The following TSPAN18 variants were observed in gnomAD, a reference collection of about 807,000 sequenced individuals.
TSPAN18 encodes the protein tetraspanin-18.
TSPAN18 carries 14 observed loss-of-function variants against 27.3 expected under a neutral mutation model. The observed-to-expected ratio is 0.51, with a 90% confidence interval of 0.34 to 0.80. The LOEUF (loss-of-function observed/expected upper bound fraction) is 0.80. Among genes scored for constraint, TSPAN18 ranks in the 30% least tolerant of loss-of-function variants. TSPAN18 has a pLI of 0.01. For missense variants in TSPAN18, 268 were observed against 323.9 expected, an observed-to-expected ratio of 0.83 and a Z score of 1.32; for synonymous variants, 143 against 136.5, an observed-to-expected ratio of 1.05 and a Z score of -0.33.
intron 2 of TSPAN18, among the ~76,000 whole-genome samples, chr11:44,810,772 A>AT (rs1856696532): frequency 6.6e-6 from 1 of 150,620 alleles, no homozygotes; most frequent in African/African-American, 2.5e-5. Flanking sequence ...CACCCAGCTA[A>AT]TTTTTTGTTA....
chr11:44,821,030 C>T (rs953552134), intron 2 of TSPAN18, among the ~76,000 whole-genome samples: 1 of 152,154 alleles, frequency 6.6e-6, no homozygotes, highest in Non-Finnish European at 1.5e-5. Context: ...AGGTATTCCT[C>T]CAGAGCAATA....
At chr11:44,795,618 C>T (rs1224820931) in intron 2 of TSPAN18, among the ~76,000 whole-genome samples, 2 of 151,962 alleles carry the variant, frequency 1.3e-5, no homozygotes, top group African/African-American at 4.8e-5. Context: ...TGAGTTCACA[C>T]CCTCTCACTG....
chr11:44,730,101 G>A (rs939649513), intron 1 of TSPAN18, among the ~76,000 whole-genome samples: 6 of 152,140 alleles, frequency 3.9e-5, no homozygotes, highest in Admixed American at 3.3e-4. Flanking sequence ...GTGCCTCTCC[G>A]GGCTGGCTTG....
intron 5 of TSPAN18, among the ~76,000 whole-genome samples, chr11:44,915,982 G>T (rs1192788306): frequency 1.3e-5 from 2 of 152,312 alleles, no homozygotes; most frequent in East Asian, 3.9e-4. Context: ...GACTTGATGT[G>T]GTGGCTGGGG....
At chr11:44,783,401 T>TTC (rs896842594) in intron 2 of TSPAN18, among the ~76,000 whole-genome samples, 1 of 145,720 alleles carries the variant, frequency 6.9e-6, no homozygotes, top group African/African-American at 2.5e-5. Context: ...TTTCTTTTCT[T>TTC]TTTTTTTTTT....
chr11:44,790,211 GCATGTTTGTGTATGTC>G (rs1856165419), intron 2 of TSPAN18, among the ~76,000 whole-genome samples: 1 of 151,656 alleles, frequency 6.6e-6, no homozygotes, highest in Non-Finnish European at 1.5e-5. Flanking sequence ...GTCTGTGTGT[GCATGTTTGTGTATGTC>G]CATGTGTTTG....
chr11:44,818,226 C>T (rs1382312215), intron 2 of TSPAN18, among the ~76,000 whole-genome samples: 2 of 152,200 alleles, frequency 1.3e-5, no homozygotes, highest in Admixed American at 6.5e-5. Flanking sequence ...GCAGAACTGA[C>T]GGTGAATGGC....
In TSPAN18 at chr11:44,931,131, C is replaced by T; in HGVS notation, c.*1953C>T. ...TCTGAGCTCAGTGTTACCAAATTCG[C>T]CCTTTAACAGCTTGCTCTGGCAACC... On this transcript the variant is annotated 3_prime_UTR_variant, in exon 10 of 10. Coordinates refer to ENST00000520358, the MANE Select transcript of TSPAN18 (RefSeq NM_130783.5). 1 of 356,942 alleles carries T rather than the reference C, an allele frequency of 2.8e-6. No individual in the cohort carries two copies. Among genetic ancestry groups the T allele is most frequent in the South Asian group, 2.1e-5 (1 of 48,418 alleles). The allele number at this position is 356,942 out of a possible 1,614,324, so 22.1% of individuals were successfully genotyped here.
At chr11:44,890,712 C>T (rs1363527052) in intron 3 of TSPAN18, among the ~76,000 whole-genome samples, 1 of 137,328 alleles carries the variant, frequency 7.3e-6, no homozygotes, top group Non-Finnish European at 1.5e-5. Context: ...CACTGCACTC[C>T]AGCCTTGGCA....
chr11:44,774,997 C>T (rs1855771829), intron 2 of TSPAN18, among the ~76,000 whole-genome samples: 1 of 152,130 alleles, frequency 6.6e-6, no homozygotes, highest in Non-Finnish European at 1.5e-5. Context: ...TTTTTTTCCC[C>T]ATCTCTCCTG....
At chr11:44,806,978 AC>A (rs1335257412) in intron 2 of TSPAN18, among the ~76,000 whole-genome samples, 1 of 152,062 alleles carries the variant, frequency 6.6e-6, no homozygotes, top group Non-Finnish European at 1.5e-5. Context: ...AGCACATAAA[AC>A]CCATGGTTTC....
intron 3 of TSPAN18, among the ~76,000 whole-genome samples, chr11:44,890,235 GT>G (rs1475419562): frequency 6.6e-6 from 1 of 152,174 alleles, no homozygotes; most frequent in Non-Finnish European, 1.5e-5. Flanking sequence ...TCATTCTGGG[GT>G]CCATGTATTC....
chr11:44,754,594 G>A lies in TSPAN18; in HGVS notation c.-239-9832G>A, dbSNP rs533505670. Among the ~76,000 whole-genome samples the A allele has an allele frequency of 1.1e-4, 17 of 152,322 alleles. No individual in the cohort carries two copies. In the East Asian group the frequency reaches 3.3e-3, roughly 29 times the overall value. Reference sequence around the variant, plus strand: ...TTGCTCAAACAGCCCAATGACCCAAGATGTAAGATCTCAGATGTATCCTTG... The same window carrying A: ...TTGCTCAAACAGCCCAATGACCCAAAATGTAAGATCTCAGATGTATCCTTG... On this transcript the variant is annotated intron_variant, in intron 1 of 9. Transcript: ENST00000520358.
chr11:44,924,339 C>T (rs1418922467), intron 8 of TSPAN18, among the ~76,000 whole-genome samples: 3 of 152,164 alleles, frequency 2.0e-5, no homozygotes, highest in Non-Finnish European at 2.9e-5. Flanking sequence ...AGGTAATCTA[C>T]ATGGCCCCAT....
intron 2 of TSPAN18, among the ~76,000 whole-genome samples, chr11:44,834,493 T>C (rs997559774): frequency 6.6e-6 from 1 of 152,206 alleles, no homozygotes; most frequent in Non-Finnish European, 1.5e-5. Flanking sequence ...TTTTCCACTT[T>C]GATGAAACCC....
At chr11:44,801,607 G>A (rs1856481348) in intron 2 of TSPAN18, among the ~76,000 whole-genome samples, 1 of 152,220 alleles carries the variant, frequency 6.6e-6, no homozygotes, top group Admixed American at 6.5e-5. Flanking sequence ...GTGCCTCAGG[G>A]TGGTGGTTAA....
At chr11:44,894,261 A>T (rs986313757) in intron 3 of TSPAN18, among the ~76,000 whole-genome samples, 12 of 152,208 alleles carry the variant, frequency 7.9e-5, no homozygotes, top group Non-Finnish European at 1.5e-5. Flanking sequence ...TGGCTGGCAC[A>T]GGCAGATCCC....
chr11:44,824,008 G>A (rs1010034675), intron 2 of TSPAN18, among the ~76,000 whole-genome samples: 14 of 152,136 alleles, frequency 9.2e-5, no homozygotes, highest in East Asian at 3.9e-4. Context: ...GTAGCCAGTC[G>A]CTGGGAATCG....
chr11:44,910,869 ATCCCCTAAGGGTGTGCC>A (rs1859683588), intron 5 of TSPAN18, among the ~76,000 whole-genome samples: 1 of 152,172 alleles, frequency 6.6e-6, no homozygotes, highest in African/African-American at 2.4e-5. Flanking sequence ...TCCCTGCTCC[ATCCCCTAAGGGTGTGCC>A]TCCCATCTAG....
Sources: gnomAD v4.1 joint callset for allele counts (sites outside exome capture counted in the v4.1 genomes callset) on GRCh38, gnomAD v4.1.1 for gene constraint, MANE v1.5 for transcripts, NCBI Gene and HGNC (gene_info 2026-07-23, HGNC 2026-07-21) for gene names.